Variants in HAO2 observed in about 807,000 individuals in gnomAD.
HAO2 encodes hydroxyacid oxidase 2.
In HAO2, 42 loss-of-function variants were observed where a neutral mutation model predicts 37.4. The observed-to-expected ratio is 1.12, with a 90% CI of 0.88 to 1.45. The LOEUF is 1.45. Among genes scored for constraint, HAO2 ranks in the 40% most tolerant of loss-of-function variants. The pLI, the probability that HAO2 is intolerant of heterozygous loss-of-function variation, is 0.00. For missense variants in HAO2, 476 were observed against 430.2 expected (o/e 1.11, Z -0.94); for synonymous variants, 180 against 162.8 (o/e 1.11, Z -0.81).
At chr1:119,385,719 A>T (rs1399756578) in intron 4 of HAO2, 356 of 984,984 alleles carry the variant, frequency 3.6e-4, no homozygotes, top group Non-Finnish European at 4.2e-4. Context: ...ATCCCTGGCT[A>T]TAGTAGAGAT....
At chr1:119,389,306 T>C (rs1248326896) in intron 5 of HAO2, among the ~76,000 whole-genome samples, 2 of 150,034 alleles carry the variant, frequency 1.3e-5, no homozygotes, top group Non-Finnish European at 3.0e-5. Flanking sequence ...CCTGGGTAGA[T>C]ACCTGGTAGT....
chr1:119,375,110 T>C (rs950991208), intron 1 of HAO2, among the ~76,000 whole-genome samples: 1 of 152,148 alleles, frequency 6.6e-6, no homozygotes, highest in African/African-American at 2.4e-5. Context: ...CTGTCTCTTC[T>C]TCTTGGGCAG....
At chr1:119,378,602 A>G (rs2101196453) in intron 1 of HAO2, among the ~76,000 whole-genome samples, 1 of 152,334 alleles carries the variant, frequency 6.6e-6, no homozygotes, top group Admixed American at 6.5e-5. Context: ...TGTTTGTTAT[A>G]TATAAGATGC....
At chr1:119,390,010 T>C (rs1650746879) in intron 5 of HAO2, among the ~76,000 whole-genome samples, 1 of 152,150 alleles carries the variant, frequency 6.6e-6, no homozygotes, top group East Asian at 1.9e-4. Flanking sequence ...TACATGTGGC[T>C]AGCCAATTAT....
intron 4 of HAO2, 53 bp downstream of exon 4, chr1:119,385,106 TC>T (rs1376371755): frequency 6.4e-7 from 1 of 1,570,296 alleles, no homozygotes; most frequent in Non-Finnish European, 8.6e-7. Context: ...CAAATTTCCT[TC>T]CCTCTTTTCT....
At chr1:119,392,488 A>G in intron 6 of HAO2, 130 bp from the exon 7 acceptor site, 1 of 768,348 alleles carries the variant, frequency 1.3e-6, no homozygotes, top group Non-Finnish European at 2.3e-6. Flanking sequence ...TTCCCAAGGT[A>G]ATTCTCACTT....
intron 1 of HAO2, among the ~76,000 whole-genome samples, chr1:119,370,906 G>T (rs777295395): frequency 6.6e-6 from 1 of 152,178 alleles, no homozygotes; most frequent in Non-Finnish European, 1.5e-5. Flanking sequence ...TGAGATATAG[G>T]TACACCTGCA....
Position 119,378,036 on chromosome 1 carries a change from A to G in HAO2, c.-8-3042A>G, listed in dbSNP as rs117098122. Among the ~76,000 whole-genome samples the G allele has an allele frequency of 4.0e-5, 6 of 150,286 alleles. No homozygotes were observed. In the East Asian group the frequency reaches 9.7e-4, roughly 24 times the overall value. On this transcript the variant is annotated intron_variant, in intron 1 of 7. Transcript: ENST00000325945. ...GAGCTGAGATCATGCTAAGCTTTAC[A>G]TACATTATAAAAAGAAAAAAATGCA...
chr1:119,389,799 G>T (rs1398296530), intron 5 of HAO2, among the ~76,000 whole-genome samples: 4 of 151,984 alleles, frequency 2.6e-5, no homozygotes, highest in African/African-American at 9.7e-5. Context: ...TTAATTAAGT[G>T]CCAGCTATTT....
In HAO2 at chr1:119,381,126, G is replaced by T. The variant is rs760870079; in HGVS notation, c.41G>T (p.Arg14Leu). The T allele has an allele frequency of 1.9e-6, 3 of 1,610,876 alleles. No homozygotes were observed. Among genetic ancestry groups the T allele is most frequent in the Non-Finnish European group, 2.5e-6 (3 of 1,177,086 alleles). Residue 14 changes from arginine to leucine, a missense_variant, in exon 2 of 8, where the codon CGA becomes CTA. Physicochemically the swap from Arg to Leu is moderately radical, Grantham distance 102. Coordinates refer to ENST00000325945, the MANE Select transcript of HAO2 (RefSeq NM_016527.4). ...VCLTDFQAHA[R>L]EQLSKSTRDF... Reference sequence around the variant, plus strand: ...TTGACAGACTTTCAGGCCCATGCGCGAGAGCAGCTGTCTAAGTCAACTCGG... The same window carrying T: ...TTGACAGACTTTCAGGCCCATGCGCTAGAGCAGCTGTCTAAGTCAACTCGG...
intron 1 of HAO2, among the ~76,000 whole-genome samples, chr1:119,370,890 C>T (rs777294557): frequency 3.9e-5 from 6 of 152,276 alleles, no homozygotes; most frequent in African/African-American, 1.2e-4. Flanking sequence ...CCAGTGATTG[C>T]CACTGTGAGA....
At chr1:119,390,664 C>T (rs1429567292) in intron 5 of HAO2, among the ~76,000 whole-genome samples, 1 of 152,140 alleles carries the variant, frequency 6.6e-6, no homozygotes, top group Non-Finnish European at 1.5e-5. Context: ...GTGAATTTTA[C>T]CTTAGGGTGA....
At chr1:119,381,743 C>G (rs1001404593) in intron 2 of HAO2, among the ~76,000 whole-genome samples, 2 of 152,162 alleles carry the variant, frequency 1.3e-5, no homozygotes, top group Admixed American at 1.3e-4. Context: ...TGACCCGCCA[C>G]TTATTTTTGT....
At position 119,390,162 on chromosome 1, in the gene HAO2, C is replaced by A. The variant is rs587753853; in HGVS notation, c.772-1948C>A. Among the ~76,000 whole-genome samples, 16 of 152,266 alleles carry A rather than the reference C, an allele frequency of 1.1e-4. No homozygotes were observed. In the South Asian group the frequency reaches 3.3e-3, roughly 32 times the overall value. ...ATTGGTCCATGTGCCTATTTTTATA[C>A]CAGTTCCATGCTGTTTTGGTGACTA... On this transcript the variant is annotated intron_variant, in intron 5 of 7. Transcript: ENST00000325945.
At chr1:119,369,191 T>G (rs1451998207) in intron 1 of HAO2, among the ~76,000 whole-genome samples, 1 of 152,202 alleles carries the variant, frequency 6.6e-6, no homozygotes, top group Non-Finnish European at 1.5e-5. Context: ...TGGGTTAAAA[T>G]GTTTTCACTT....
chr1:119,386,454 C>T (rs1051582125), intron 4 of HAO2, among the ~76,000 whole-genome samples, 168 bp from the exon 5 acceptor site: 1 of 152,136 alleles, frequency 6.6e-6, no homozygotes, highest in African/African-American at 2.4e-5. Flanking sequence ...GATCCTTCCG[C>T]CTCAGCCCCA....
At chr1:119,376,317 A>C (rs1205512976) in intron 1 of HAO2, among the ~76,000 whole-genome samples, 1 of 152,230 alleles carries the variant, frequency 6.6e-6, no homozygotes, top group Non-Finnish European at 1.5e-5. Flanking sequence ...TTTTGACTCC[A>C]TATCTCACAT....
Position 119,393,855 on chromosome 1 carries a change from T to C in HAO2, c.*15T>C, listed in dbSNP as rs765424913. 3.0e-5 allele frequency: 48 copies of C among 1,612,354 alleles called. No individual in the cohort carries two copies. Among genetic ancestry groups the C allele is most frequent in the Non-Finnish European group, 4.0e-5 (47 of 1,178,788 alleles). ...CCAGGCTGTAAGAAAAAAGGGCCAA[T>C]AACCAGACTGCTGAGGTTGCCCACA... On this transcript the variant is annotated 3_prime_UTR_variant, in exon 8 of 8. Transcript: ENST00000325945.
chr1:119,392,807 A>T, intron 7 of HAO2, 120 bp downstream of exon 7: 1 of 745,546 alleles, frequency 1.3e-6, no homozygotes, highest in Non-Finnish European at 2.5e-6. Context: ...AAGATAGGAC[A>T]GGCAGGCAAC....
Sources: gnomAD v4.1 joint callset for allele counts (sites outside exome capture counted in the v4.1 genomes callset) on GRCh38, gnomAD v4.1.1 for gene constraint, MANE v1.5 for transcripts, NCBI Gene and HGNC (gene_info 2026-07-23, HGNC 2026-07-21) for gene names.